KIAA0319L: variants seen among roughly 807,000 people sequenced by gnomAD.
The protein encoded by KIAA0319L is dyslexia-associated protein KIAA0319-like protein.
KIAA0319L carries 55 observed loss-of-function variants against 120.1 expected under a neutral mutation model. That is an observed-to-expected ratio of 0.46 (90% confidence interval 0.37 to 0.57). The LOEUF is 0.57. KIAA0319L is among the 20% of genes least tolerant of loss of function. KIAA0319L has a pLI of 0.00. For missense variants in KIAA0319L, 1,049 were observed against 1,255.3 expected, an observed-to-expected ratio of 0.84 and a Z score of 2.48; for synonymous variants, 398 against 471.9, an observed-to-expected ratio of 0.84 and a Z score of 2.03.
rs546058255 is a variant in KIAA0319L at position 35,529,492 on chromosome 1, G to C, written c.143-22357C>G. On this transcript the variant is annotated intron_variant, in intron 2 of 20. Transcript: ENST00000325722. ...CCCTTAATCTTTTATTGTAGGACTG[G>C]TTTAGTGGTTATGAATTATCTGTTT... Among the ~76,000 whole-genome samples the C allele has an allele frequency of 1.2e-4, 18 of 152,286 alleles. No homozygotes were observed. The South Asian group carries it at 3.5e-3, about 30-fold the overall frequency.
intron 2 of KIAA0319L, among the ~76,000 whole-genome samples, chr1:35,532,217 G>A (rs1321863824): frequency 6.6e-6 from 1 of 151,388 alleles, no homozygotes; most frequent in Non-Finnish European, 1.5e-5. Context: ...CTCCAGCCTG[G>A]GCGACAGAGT....
intron 20 of KIAA0319L, 101 bp downstream of exon 20, chr1:35,440,946 C>T: frequency 2.2e-6 from 2 of 918,038 alleles, no homozygotes. Context: ...GCTTTGCAAG[C>T]ACAGTGGGCT....
At chr1:35,533,024 A>C (rs1340152646) in intron 2 of KIAA0319L, 1 of 152,242 alleles carries the variant, frequency 6.6e-6, no homozygotes, top group Non-Finnish European at 1.5e-5. Context: ...CACAAAATCT[A>C]GACCAGGTTT....
chr1:35,482,026 G>C (rs535204893), intron 3 of KIAA0319L, among the ~76,000 whole-genome samples: 1 of 151,780 alleles, frequency 6.6e-6, no homozygotes, highest in Non-Finnish European at 1.5e-5. Context: ...GGGTTTCACC[G>C]TGTTAGCCAG....
At chr1:35,475,993 T>G (rs1476812449) in intron 4 of KIAA0319L, among the ~76,000 whole-genome samples, 1 of 152,246 alleles carries the variant, frequency 6.6e-6, no homozygotes, top group African/African-American at 2.4e-5. Context: ...AATACAGCAT[T>G]TTGTTTCTAG....
chr1:35,554,557 A>G, intron 1 of KIAA0319L, 38 bp from the exon 2 acceptor site: 1 of 1,254,882 alleles, frequency 8.0e-7, no homozygotes, highest in East Asian at 2.5e-5. Flanking sequence ...CATGCCGAGT[A>G]ATTAATAATT....
chr1:35,529,926 G>A (rs1224035653), intron 2 of KIAA0319L, among the ~76,000 whole-genome samples: 5 of 149,326 alleles, frequency 3.3e-5, no homozygotes, highest in Non-Finnish European at 5.9e-5. Flanking sequence ...TTCACCTTCT[G>A]GGATACCCAA....
At chr1:35,443,167 G>T in intron 17 of KIAA0319L, 139 bp from the exon 18 acceptor site, 1 of 955,952 alleles carries the variant, frequency 1.0e-6, no homozygotes, top group Non-Finnish European at 1.6e-6. Flanking sequence ...CCTTGGGCAT[G>T]GTGCCTGCCT....
intron 2 of KIAA0319L, among the ~76,000 whole-genome samples, chr1:35,537,615 T>TAAAAAAA (rs58080321): frequency 9.7e-6 from 1 of 102,938 alleles, no homozygotes; most frequent in Non-Finnish European, 2.0e-5. Context: ...TAAGCGCCAT[T>TAAAAAAA]AAAAAAAAAA....
At chr1:35,547,675 C>T (rs1019664684) in intron 2 of KIAA0319L, among the ~76,000 whole-genome samples, 3 of 152,072 alleles carry the variant, frequency 2.0e-5, no homozygotes, top group Admixed American at 6.6e-5. Context: ...TATGAAATGT[C>T]CAGAATAGGC....
intron 3 of KIAA0319L, among the ~76,000 whole-genome samples, chr1:35,486,276 T>C (rs1644380678): frequency 6.7e-6 from 1 of 149,004 alleles, no homozygotes; most frequent in Non-Finnish European, 1.5e-5. Flanking sequence ...CCCAGCTACT[T>C]GGGAGGCTGA....
chr1:35,469,802 G>C (rs1451542426), intron 6 of KIAA0319L, among the ~76,000 whole-genome samples: 1 of 151,848 alleles, frequency 6.6e-6, no homozygotes, highest in Non-Finnish European at 1.5e-5. Context: ...CCCAATGCCT[G>C]CCACATGACC....
At chr1:35,436,946 C>G (rs1477354519) in intron 20 of KIAA0319L, among the ~76,000 whole-genome samples, 1 of 152,210 alleles carries the variant, frequency 6.6e-6, no homozygotes, top group Non-Finnish European at 1.5e-5. Flanking sequence ...ATCTCATTCT[C>G]CTCGTCCTCC....
In KIAA0319L at chr1:35,499,780, T is replaced by TA. The variant is rs531553228; in HGVS notation, c.666+6831dup. On this transcript the variant is annotated intron_variant, in intron 3 of 20. Transcript: ENST00000325722. The stretch of plus-strand genomic sequence containing the variant: ...AAACAAGCAAACAAGTAAAAACAAG[T>TA]AAAAAAAAAAAAAAACCCTGAAAAA... Among the ~76,000 whole-genome samples, 734 of 93,316 alleles carry TA rather than the reference T, an allele frequency of 7.9e-3. 4 individuals carry two copies. Among genetic ancestry groups the TA allele is most frequent in the African/African-American group, 0.017 (428 of 24,998 alleles). The allele number at this position is 93,316 out of a possible 152,430, so 61.2% of individuals were successfully genotyped here. A position where few individuals can be genotyped will look rare whatever the true frequency, so the allele number is the denominator to read the frequency against.
chr1:35,542,384 C>T (rs556978444), intron 2 of KIAA0319L, among the ~76,000 whole-genome samples: 1 of 152,284 alleles, frequency 6.6e-6, no homozygotes, highest in Admixed American at 6.5e-5. Context: ...CCACGCCCTT[C>T]GCCACTCTGT....
chr1:35,531,382 A>C (rs1646361474), intron 2 of KIAA0319L, among the ~76,000 whole-genome samples: 1 of 152,186 alleles, frequency 6.6e-6, no homozygotes, highest in Non-Finnish European at 1.5e-5. Context: ...CTCTAGGCAG[A>C]TACGAGGGAA....
intron 3 of KIAA0319L, among the ~76,000 whole-genome samples, chr1:35,484,198 T>G (rs1644278174): frequency 6.6e-6 from 1 of 152,212 alleles, no homozygotes; most frequent in South Asian, 2.1e-4. Flanking sequence ...TCAGCAGAGT[T>G]TTGTAGTTTT....
At chr1:35,507,973 T>C (rs540228983) in intron 2 of KIAA0319L, among the ~76,000 whole-genome samples, 1 of 152,366 alleles carries the variant, frequency 6.6e-6, no homozygotes, top group South Asian at 2.1e-4. Flanking sequence ...TTTTCTGAAA[T>C]AGTATCTCAC....
intron 5 of KIAA0319L, among the ~76,000 whole-genome samples, chr1:35,472,348 G>C (rs1403217809): frequency 6.6e-6 from 1 of 152,188 alleles, no homozygotes; most frequent in African/African-American, 2.4e-5. Context: ...CTGGAGTGCA[G>C]TGGTGCAATC....
Sources: allele counts gnomAD v4.1 joint callset (sites outside exome capture counted in the v4.1 genomes callset), GRCh38; gene constraint gnomAD v4.1.1; transcripts MANE v1.5; gene names NCBI Gene and HGNC (gene_info 2026-07-23, HGNC 2026-07-21).